DIP2C: variants seen among roughly 807,000 people sequenced by gnomAD.
DIP2C encodes the protein disco-interacting protein 2 homolog C.
In DIP2C, 33 loss-of-function variants were observed where a neutral mutation model predicts 192.4. The observed-to-expected ratio is 0.17, with a 90% CI of 0.13 to 0.23. The LOEUF is 0.23. Among genes scored for constraint, DIP2C ranks in the 10% least tolerant of loss-of-function variants. DIP2C has a pLI of 1.00. For missense variants in DIP2C, 1,537 were observed against 2,110.1 expected, an observed-to-expected ratio of 0.73 and a Z score of 5.32; for synonymous variants, 979 against 864.1, an observed-to-expected ratio of 1.13 and a Z score of -2.33.
chr10:575,409 G>A (rs1404575469), intron 1 of DIP2C, among the ~76,000 whole-genome samples: 1 of 152,222 alleles, frequency 6.6e-6, no homozygotes, highest in Non-Finnish European at 1.5e-5. Context: ...GAGGGGAGCA[G>A]TGAGAGAAAG....
chr10:378,809 A>G (rs947219026), intron 17 of DIP2C, among the ~76,000 whole-genome samples: 2 of 113,112 alleles, frequency 1.8e-5, no homozygotes, highest in Non-Finnish European at 3.7e-5. Context: ...GCATAAAGAC[A>G]CAAATGAACA....
chr10:650,213 C>CG (rs1307525372), intron 1 of DIP2C: 1 of 717,148 alleles, frequency 1.4e-6, no homozygotes, highest in East Asian at 2.7e-5. Flanking sequence ...GGAGGCCACA[C>CG]GGGGAGGGCT....
Position 499,354 on chromosome 10 carries a change from G to C in DIP2C, c.86-12824C>G, listed in dbSNP as rs576782763. On this transcript the variant is annotated intron_variant, in intron 1 of 36. Transcript: ENST00000280886. ...CTCTGTGGACCGCTGGGCTGCATCA[G>C]TCTGTTTTCACGCTGCTATAAAGAA... is the stretch of plus-strand genomic sequence containing the variant. Among the ~76,000 whole-genome samples the C allele has an allele frequency of 5.9e-5, 9 of 152,332 alleles. No individual in the cohort carries two copies. In the South Asian group the frequency reaches 1.9e-3, roughly 32 times the overall value.
At chr10:311,271 A>C (rs532238007) in intron 31 of DIP2C, among the ~76,000 whole-genome samples, 1 of 152,308 alleles carries the variant, frequency 6.6e-6, no homozygotes, top group Non-Finnish European at 1.5e-5. Context: ...AAATAAGTAA[A>C]TGGAAAACAG....
chr10:600,962 C>T (rs1852035307), intron 1 of DIP2C, among the ~76,000 whole-genome samples: 1 of 152,150 alleles, frequency 6.6e-6, no homozygotes, highest in Non-Finnish European at 1.5e-5. Flanking sequence ...TCTGTGGTGT[C>T]ACGTGCACAC....
intron 16 of DIP2C, 121 bp downstream of exon 16, chr10:383,906 G>A (rs1023131616): frequency 5.7e-5 from 74 of 1,302,760 alleles, no homozygotes; most frequent in Non-Finnish European, 6.5e-5. Context: ...AAATCAAAGT[G>A]CAAAGAATGA....
intron 1 of DIP2C, among the ~76,000 whole-genome samples, chr10:574,489 T>C (rs1270607159): frequency 6.6e-6 from 1 of 152,240 alleles, no homozygotes; most frequent in Non-Finnish European, 1.5e-5. Flanking sequence ...GGAAGGACTC[T>C]GGCCCAAGCC....
chr10:381,358 C>T (rs1180373260), intron 17 of DIP2C, among the ~76,000 whole-genome samples: 1 of 152,216 alleles, frequency 6.6e-6, no homozygotes. Flanking sequence ...TTCTAGTTTT[C>T]AGGACACTGT....
rs796645107 is a variant in DIP2C at position 476,888 on chromosome 10, G to A, written c.158-4339C>T. ...AAAGCTATCAAGGTCGCCCGAAAGG[G>A]GCATCTGTTGGGATCCTGGAGAAGC... On this transcript the variant is annotated intron_variant, in intron 2 of 36. Transcript: ENST00000280886. 2.2e-4 allele frequency among the ~76,000 whole-genome samples: 33 copies of A among 151,650 alleles called. 1 individual carries two copies. Among genetic ancestry groups the A allele is most frequent in the African/African-American group, 7.7e-4 (32 of 41,398 alleles).
At chr10:444,157 A>G (rs1002920039) in intron 3 of DIP2C, among the ~76,000 whole-genome samples, 1 of 152,188 alleles carries the variant, frequency 6.6e-6, no homozygotes, top group East Asian at 1.9e-4. Context: ...CTCAAGAGAC[A>G]GCCACTGTTC....
chr10:288,353 A>G lies in DIP2C; in HGVS notation c.4044+11T>C, dbSNP rs1955264623. 5.0e-6 allele frequency: 8 copies of G among 1,613,408 alleles called. No individual in the cohort carries two copies. The highest frequency in any genetic ancestry group is 4.5e-5 in the East Asian group (2 of 44,880). ...GATACAGAAATGCGTGCCTCTTCCT[A>G]TAATACTTACCTTTCCCGATTCCAT... is the stretch of plus-strand genomic sequence containing the variant. On this transcript the variant is annotated intron_variant, in intron 33 of 36. Coordinates refer to ENST00000280886, the MANE Select transcript of DIP2C (RefSeq NM_014974.3).
intron 1 of DIP2C, among the ~76,000 whole-genome samples, chr10:552,389 G>C (rs539977643): frequency 1.3e-5 from 2 of 152,202 alleles, no homozygotes; most frequent in South Asian, 4.1e-4. Context: ...TCCCTGCCAA[G>C]TAAAAGGTTG....
At chr10:436,445 C>T (rs1045517717) in intron 4 of DIP2C, among the ~76,000 whole-genome samples, 1 of 152,200 alleles carries the variant, frequency 6.6e-6, no homozygotes, top group Non-Finnish European at 1.5e-5. Context: ...CTCCGATCTC[C>T]GCCTCCTGGA....
At chr10:629,432 C>T (rs1854384063) in intron 1 of DIP2C, among the ~76,000 whole-genome samples, 1 of 152,192 alleles carries the variant, frequency 6.6e-6, no homozygotes, top group Non-Finnish European at 1.5e-5. Context: ...AAGTAGATAC[C>T]CCAGACCAGC....
chr10:672,296 C>T (rs964582372), intron 1 of DIP2C, among the ~76,000 whole-genome samples: 5 of 152,292 alleles, frequency 3.3e-5, no homozygotes, highest in Middle Eastern at 3.4e-3. Flanking sequence ...AGGCCACACA[C>T]GCACGCATGG....
At chr10:387,610 C>A in intron 14 of DIP2C, 135 bp downstream of exon 14, 1 of 714,154 alleles carries the variant, frequency 1.4e-6, no homozygotes, top group East Asian at 2.9e-5. Flanking sequence ...AGGGAGACTC[C>A]TGTGTGGACA....
At chr10:532,544 T>TGAGA (rs111941731) in intron 1 of DIP2C, among the ~76,000 whole-genome samples, 1 of 113,320 alleles carries the variant, frequency 8.8e-6, no homozygotes, top group Non-Finnish European at 1.8e-5. Context: ...AGTATGGGTG[T>TGAGA]GAGAGAGTAT....
chr10:440,094 G>C (rs1204536817), intron 4 of DIP2C, among the ~76,000 whole-genome samples: 1 of 152,114 alleles, frequency 6.6e-6, no homozygotes, highest in South Asian at 2.1e-4. Flanking sequence ...GCTTTACTTG[G>C]GTGGGAAGAT....
chr10:547,289 A>AG (rs1372157191), intron 1 of DIP2C, among the ~76,000 whole-genome samples: 1 of 152,172 alleles, frequency 6.6e-6, no homozygotes, highest in Non-Finnish European at 1.5e-5. Context: ...TCCAGCCTAC[A>AG]GGGAGAAGCA....
Sources: allele counts gnomAD v4.1 joint callset (sites outside exome capture counted in the v4.1 genomes callset), GRCh38; gene constraint gnomAD v4.1.1; transcripts MANE v1.5; gene names NCBI Gene and HGNC (gene_info 2026-07-23, HGNC 2026-07-21).